Variants in TG observed in about 807,000 individuals in gnomAD.
The protein encoded by TG is thyroglobulin, also known as thyroid hormones.
Under a neutral mutation model 324.7 loss-of-function variants are expected in TG, and 270 were observed. The observed-to-expected ratio is 0.83, with a 90% CI of 0.75 to 0.92. The LOEUF (loss-of-function observed/expected upper bound fraction) is 0.92, where lower values mean the gene tolerates loss of function less well. TG is among the 40% of genes least tolerant of loss of function. The pLI is 0.00. For missense variants in TG, 3,591 were observed against 3,456.4 expected (o/e 1.04, Z -0.98); for synonymous variants, 1,401 against 1,327.0 (o/e 1.06, Z -1.21).
At chr8:133,003,662 C>T (rs1178467464) in intron 35 of TG, among the ~76,000 whole-genome samples, 3 of 152,170 alleles carry the variant, frequency 2.0e-5, no homozygotes, top group African/African-American at 4.8e-5. Context: ...GAAGTGCCTC[C>T]ATGTCACCCA....
intron 45 of TG, among the ~76,000 whole-genome samples, chr8:133,122,963 T>A (rs1851254307): frequency 6.6e-6 from 1 of 152,116 alleles, no homozygotes; most frequent in African/African-American, 2.4e-5. Context: ...TTGGGCACTG[T>A]TGACATTTGA....
intron 28 of TG, 127 bp downstream of exon 28, chr8:132,961,200 A>G (rs1425654825): frequency 2.7e-5 from 26 of 961,128 alleles, no homozygotes; most frequent in African/African-American, 6.5e-5. Context: ...TTCCAAATGC[A>G]TACTTTCTGT....
chr8:133,099,046 A>G (rs983009015), intron 43 of TG, among the ~76,000 whole-genome samples: 2 of 152,204 alleles, frequency 1.3e-5, no homozygotes, highest in African/African-American at 4.8e-5. Context: ...GTTTTTAAGG[A>G]AAGCTTACTT....
chr8:133,120,415 C>T (rs1851050004), intron 45 of TG, among the ~76,000 whole-genome samples: 1 of 152,098 alleles, frequency 6.6e-6, no homozygotes, highest in Non-Finnish European at 1.5e-5. Flanking sequence ...AAAGTGCCAC[C>T]AAAACTGGGC....
chr8:132,977,799 G>C (rs1304826076), intron 34 of TG, among the ~76,000 whole-genome samples: 1 of 152,106 alleles, frequency 6.6e-6, no homozygotes, highest in Admixed American at 6.5e-5. Flanking sequence ...ATGAGATTTG[G>C]GTGGGGACAC....
chr8:132,948,563 G>A (rs1170876899), intron 26 of TG, among the ~76,000 whole-genome samples: 1 of 152,140 alleles, frequency 6.6e-6, no homozygotes, highest in Non-Finnish European at 1.5e-5. Context: ...CTTGAAGGTG[G>A]CCCTCCCCTT....
At chr8:132,936,768 A>T (rs921597114) in intron 25 of TG, among the ~76,000 whole-genome samples, 1 of 152,142 alleles carries the variant, frequency 6.6e-6, no homozygotes, top group African/African-American at 2.4e-5. Context: ...GAAAGGAAAC[A>T]TGCCAGCAAG....
At chr8:133,070,447 A>G (rs1333820327) in intron 41 of TG, among the ~76,000 whole-genome samples, 1 of 152,242 alleles carries the variant, frequency 6.6e-6, no homozygotes, top group African/African-American at 2.4e-5. Context: ...GATGTTTAAA[A>G]TACACGGACT....
At chr8:132,886,272 A>C (rs1319927167) in intron 8 of TG, among the ~76,000 whole-genome samples, 176 bp from the exon 9 acceptor site, 1 of 152,224 alleles carries the variant, frequency 6.6e-6, no homozygotes, top group African/African-American at 2.4e-5. Flanking sequence ...ATGGCCCCAC[A>C]AAGGCAGCTC....
chr8:132,940,903 G>A (rs1417012871), intron 25 of TG, among the ~76,000 whole-genome samples: 1 of 152,200 alleles, frequency 6.6e-6, no homozygotes, highest in African/African-American at 2.4e-5. Flanking sequence ...CAGTGGCCAA[G>A]CTTCCCTACC....
At position 132,923,457 on chromosome 8, in the gene TG, A is replaced by G; in HGVS notation, c.4648A>G (p.Arg1550Gly). 1 of 1,614,058 alleles carries G rather than the reference A, an allele frequency of 6.2e-7. No homozygotes were observed. The highest frequency in any genetic ancestry group is 8.5e-7 in the Non-Finnish European group (1 of 1,179,998). The change falls in exon 22 of 48, where the codon AGG becomes GGG. Residue 1550 changes from arginine to glycine, a missense_variant. Transcript: ENST00000220616. Reference protein sequence around the residue: ...KAFCVDGEGRRLPWWETEAPL... With the variant: ...KAFCVDGEGRGLPWWETEAPL... ...CTTCTGTGTGGACGGCGAGGGGCGG[A>G]GGCTGCCATGGTGGGAAACAGAGGC...
chr8:132,888,621 G>A (rs1815779474), intron 10 of TG, 53 bp downstream of exon 10: 1 of 1,425,856 alleles, frequency 7.0e-7, no homozygotes, highest in Non-Finnish European at 9.5e-7. Context: ...GTGTGTGTGT[G>A]TATGTGTGTT....
chr8:132,893,100 G>A (rs1343587705), intron 10 of TG, among the ~76,000 whole-genome samples: 1 of 144,974 alleles, frequency 6.9e-6, no homozygotes, highest in Non-Finnish European at 1.5e-5. Flanking sequence ...TGGTGTTCAT[G>A]TATGTGTGTG....
chr8:132,983,443 G>A (rs374304376), intron 35 of TG, 31 bp downstream of exon 35: 2 of 1,596,790 alleles, frequency 1.3e-6, no homozygotes, highest in Non-Finnish European at 1.7e-6. Context: ...TCTCTTGGAT[G>A]AGAGTACCCC....
intron 16 of TG, among the ~76,000 whole-genome samples, chr8:132,905,117 C>T (rs1563935472): frequency 6.6e-6 from 1 of 152,168 alleles, no homozygotes; most frequent in Admixed American, 6.5e-5. Flanking sequence ...CTACACATCC[C>T]ATAGTAGTTT....
chr8:132,888,504 G>C lies in TG; in HGVS notation c.2697G>C (p.Trp899Cys), dbSNP rs1815748591. 7 of 1,610,962 alleles carry C rather than the reference G, an allele frequency of 4.3e-6. No homozygotes were observed. Among genetic ancestry groups the C allele is most frequent in the Non-Finnish European group, 5.9e-6 (7 of 1,178,670 alleles). The change falls in exon 10 of 48, where the codon TGG becomes TGC. Residue 899 changes from tryptophan (W) to cysteine (C), a missense_variant. Transcript: ENST00000220616. ...PLAHFDLRNC[W>C]CVDEAGQELE... is the part of the protein sequence containing the mutation. The stretch of plus-strand genomic sequence containing the variant: ...CACATTTTGATCTTCGGAACTGCTG[G>C]TGTGTGGATGAGGCTGGCCAAGAAC...
intron 2 of TG, among the ~76,000 whole-genome samples, chr8:132,868,834 G>A (rs1839212822): frequency 6.6e-6 from 1 of 152,226 alleles, no homozygotes; most frequent in South Asian, 2.1e-4. Flanking sequence ...CTTCCCTGCA[G>A]AATAGACAGG....
intron 35 of TG, among the ~76,000 whole-genome samples, chr8:132,992,373 AT>A: frequency 6.6e-6 from 1 of 152,350 alleles, no homozygotes; most frequent in East Asian, 1.9e-4. Context: ...TGAAGAATCA[AT>A]TCTGTGTGGC....
chr8:132,882,230 G>A (rs1250810575), intron 6 of TG, among the ~76,000 whole-genome samples: 1 of 152,246 alleles, frequency 6.6e-6, no homozygotes, highest in African/African-American at 2.4e-5. Context: ...CGAAATTGGC[G>A]AGTGGAGCAC....
Sources: gnomAD v4.1 joint callset for allele counts (sites outside exome capture counted in the v4.1 genomes callset) on GRCh38, gnomAD v4.1.1 for gene constraint, MANE v1.5 for transcripts, NCBI Gene and HGNC (gene_info 2026-07-23, HGNC 2026-07-21) for gene names.